The following METTL16 variants were observed in gnomAD, a reference collection of about 807,000 sequenced individuals.
METTL16 encodes the protein RNA N(6)-adenosine-methyltransferase METTL16.
Under a neutral mutation model 57.9 loss-of-function variants are expected in METTL16, and 19 were observed. The ratio of observed to expected loss-of-function variants is 0.33; its 90% CI spans 0.23 to 0.48. The LOEUF is 0.48. Among genes scored for constraint, METTL16 ranks in the 20% least tolerant of loss-of-function variants. METTL16 has a pLI of 0.99. For missense variants in METTL16, 434 were observed against 691.5 expected, an observed-to-expected ratio of 0.63 and a Z score of 4.18; for synonymous variants, 246 against 255.6, an observed-to-expected ratio of 0.96 and a Z score of 0.36.
intron 2 of METTL16, among the ~76,000 whole-genome samples, chr17:2,484,768 AC>A (rs1171223031): frequency 6.6e-6 from 1 of 152,294 alleles, no homozygotes; most frequent in East Asian, 1.9e-4. Flanking sequence ...TGCTGGGATT[AC>A]AGGTGTGAGC....
chr17:2,431,543 T>C (rs1284161537), intron 8 of METTL16, among the ~76,000 whole-genome samples: 1 of 152,180 alleles, frequency 6.6e-6, no homozygotes, highest in Non-Finnish European at 1.5e-5. Flanking sequence ...CTCATAAATC[T>C]TCCTAAAGAT....
chr17:2,493,969 T>C lies in METTL16; in HGVS notation c.128+8235A>G, dbSNP rs1190129240. Among the ~76,000 whole-genome samples, 6 of 152,180 alleles carry C rather than the reference T, an allele frequency of 3.9e-5. No homozygotes were observed. The South Asian group carries it at 1.0e-3, about 26-fold the overall frequency. On this transcript the variant is annotated intron_variant, in intron 2 of 9. Coordinates refer to ENST00000263092, the MANE Select transcript of METTL16 (RefSeq NM_024086.4). ...TTCTCCTCAAGACTGCCGTATCCTC[T>C]TCCCATCGCCTCACAGACACATTTC...
chr17:2,479,410 T>C (rs552962493), intron 2 of METTL16, among the ~76,000 whole-genome samples: 15 of 149,316 alleles, frequency 1.0e-4, no homozygotes, highest in African/African-American at 3.5e-4. Flanking sequence ...CCTGGGCCCA[T>C]GTAATCCTCC....
intron 1 of METTL16, among the ~76,000 whole-genome samples, chr17:2,506,556 G>A (rs7217622): frequency 0.57 from 85,270 of 149,858 alleles, 27,388 homozygotes; most frequent in Non-Finnish European, 0.74. Context: ...CCAAGGTGCC[G>A]GGATGGCAGA....
At chr17:2,440,994 A>AAAAAAAAAAAAAAAAAG (rs1555616313) in intron 7 of METTL16, among the ~76,000 whole-genome samples, 1 of 118,908 alleles carries the variant, frequency 8.4e-6, no homozygotes, top group Non-Finnish European at 1.6e-5. Context: ...AAAAAAAAAA[A>AAAAAAAAAAAAAAAAAG]AAGAAGAAGA....
chr17:2,444,934 T>C (rs1265358966), intron 6 of METTL16, among the ~76,000 whole-genome samples: 1 of 152,124 alleles, frequency 6.6e-6, no homozygotes, highest in Admixed American at 6.5e-5. Flanking sequence ...CAGGCTGGTC[T>C]TGAACTCCTG....
chr17:2,423,455 A>G (rs1428688511), intron 8 of METTL16, among the ~76,000 whole-genome samples: 1 of 152,244 alleles, frequency 6.6e-6, no homozygotes, highest in East Asian at 1.9e-4. Context: ...CATGAGAAAC[A>G]TAATTTCTAG....
chr17:2,504,649 A>G (rs6502300), intron 1 of METTL16, among the ~76,000 whole-genome samples: 130,147 of 152,198 alleles, frequency 0.86, 56,295 homozygotes, highest in Non-Finnish European at 0.93. Context: ...TCAATCTCCC[A>G]TGCTCAAACA....
intron 6 of METTL16, among the ~76,000 whole-genome samples, chr17:2,446,382 A>G (rs1021759027): frequency 6.6e-6 from 1 of 152,226 alleles, no homozygotes; most frequent in Non-Finnish European, 1.5e-5. Context: ...CCTTTACATC[A>G]CAGAAGACAT....
intron 6 of METTL16, among the ~76,000 whole-genome samples, chr17:2,447,699 G>A (rs1418006533): frequency 2.0e-4 from 29 of 143,544 alleles, no homozygotes; most frequent in African/African-American, 6.7e-4. Flanking sequence ...CGTCCGGGAG[G>A]GGGGAGGGGG....
intron 8 of METTL16, among the ~76,000 whole-genome samples, chr17:2,425,743 G>A (rs1419048357): frequency 6.6e-6 from 1 of 151,852 alleles, no homozygotes; most frequent in Non-Finnish European, 1.5e-5. Flanking sequence ...CTGGAGTGCA[G>A]TGGCGCAATT....
chr17:2,421,640 G>C (rs951017179), intron 8 of METTL16, among the ~76,000 whole-genome samples: 1 of 152,180 alleles, frequency 6.6e-6, no homozygotes, highest in Non-Finnish European at 1.5e-5. Flanking sequence ...GAGGACCCTG[G>C]GGGCACTGTG....
intron 1 of METTL16, among the ~76,000 whole-genome samples, chr17:2,503,917 G>A (rs773033492): frequency 5.9e-5 from 9 of 151,806 alleles, no homozygotes; most frequent in Non-Finnish European, 1.0e-4. Context: ...CAATAAATAT[G>A]GATCAACAAA....
intron 6 of METTL16, among the ~76,000 whole-genome samples, chr17:2,455,780 G>C (rs2067105675): frequency 6.6e-6 from 1 of 152,072 alleles, no homozygotes; most frequent in Non-Finnish European, 1.5e-5. Flanking sequence ...CCAGGACTTT[G>C]AGGCCACCCT....
Position 2,419,980 on chromosome 17 carries a change from G to GC in METTL16, c.1678dup (p.Ala560GlyfsTer3), listed in dbSNP as rs1390922395. 1 of 1,614,068 alleles carries GC rather than the reference G, an allele frequency of 6.2e-7. No individual in the cohort carries two copies. The highest frequency in any genetic ancestry group is 2.2e-5 in the East Asian group (1 of 44,884). On this transcript the variant is annotated frameshift_variant, in exon 10 of 10. Transcript: ENST00000263092. LOFTEE classifies it high-confidence loss of function. ...CTGTGCAGGAGGTTTCTAGTTAACT[G>GC]CAACAAGCCTGAAAATTTGGTTACG...
At chr17:2,466,565 G>A (rs957372686) in intron 5 of METTL16, among the ~76,000 whole-genome samples, 1 of 152,124 alleles carries the variant, frequency 6.6e-6, no homozygotes, top group Admixed American at 6.5e-5. Context: ...GGGTTTTTAG[G>A]TACAGGACTC....
chr17:2,472,264 G>A (rs1246777676), intron 4 of METTL16, among the ~76,000 whole-genome samples: 1 of 152,082 alleles, frequency 6.6e-6, no homozygotes, highest in African/African-American at 2.4e-5. Context: ...TATTAGAACG[G>A]CCAAAATCCA....
At position 2,479,570 on chromosome 17, in the gene METTL16, G is replaced by A. The variant is rs964615351; in HGVS notation, c.129-1685C>T. Among the ~76,000 whole-genome samples the A allele has an allele frequency of 3.9e-5, 6 of 152,168 alleles. No individual in the cohort carries two copies. The South Asian group carries it at 8.3e-4, about 21-fold the overall frequency. ...TTCTGGCCTCAAGGTGTCTGGTCAG[G>A]CAACAACACATCCTCAAACAGCTTC... On this transcript the variant is annotated intron_variant, in intron 2 of 9. Transcript: ENST00000263092.
chr17:2,443,779 G>T (rs954574083), intron 6 of METTL16, among the ~76,000 whole-genome samples: 1 of 152,150 alleles, frequency 6.6e-6, no homozygotes, highest in Non-Finnish European at 1.5e-5. Flanking sequence ...GATTACAGGG[G>T]TGAGCCACCG....
Sources: gnomAD v4.1 joint callset for allele counts (sites outside exome capture counted in the v4.1 genomes callset) on GRCh38, gnomAD v4.1.1 for gene constraint, MANE v1.5 for transcripts, NCBI Gene and HGNC (gene_info 2026-07-23, HGNC 2026-07-21) for gene names.